NSUN6: variants seen among roughly 807,000 people sequenced by gnomAD.
NSUN6 encodes NOP2/Sun RNA methyltransferase 6.
Under a neutral mutation model 58.0 loss-of-function variants are expected in NSUN6, and 64 were observed. That is an observed-to-expected ratio of 1.10 (90% confidence interval 0.90 to 1.36). NSUN6 has a LOEUF of 1.36. Among genes scored for constraint, NSUN6 ranks in the 40% most tolerant of loss-of-function variants. The pLI is 0.00. For synonymous variants in NSUN6, 231 were observed against 193.9 expected (o/e 1.19, Z -1.59); for missense variants, 701 against 550.1 (o/e 1.27, Z -2.74).
At position 18,566,256 on chromosome 10, in the gene NSUN6, A is replaced by T. The variant is rs948421580; in HGVS notation, c.923-14285T>A. Among the ~76,000 whole-genome samples the T allele has an allele frequency of 3.3e-4, 47 of 141,072 alleles. 2 individuals carry two copies. The highest frequency in any genetic ancestry group is 2.2e-4 in the South Asian group (1 of 4,534). 92.5% of individuals were successfully genotyped at this position (141,072 alleles called of 152,430 possible). ...CGCAATCCATTCCATTCCACATTCC[A>T]TTCCGTTCTCCATTCCATTCCATTC... is the stretch of plus-strand genomic sequence containing the variant. On this transcript the variant is annotated intron_variant, in intron 8 of 10. Coordinates refer to ENST00000377304, the MANE Select transcript of NSUN6 (RefSeq NM_182543.5).
At chr10:18,603,100 C>G (rs927915945) in intron 6 of NSUN6, among the ~76,000 whole-genome samples, 1 of 152,138 alleles carries the variant, frequency 6.6e-6, no homozygotes, top group Non-Finnish European at 1.5e-5. Flanking sequence ...CGAGACCAGC[C>G]TGGCCAACAT....
At chr10:18,604,010 T>G (rs2057952171) in intron 6 of NSUN6, among the ~76,000 whole-genome samples, 1 of 151,966 alleles carries the variant, frequency 6.6e-6, no homozygotes, top group African/African-American at 2.4e-5. Context: ...GGTGAAACCC[T>G]GTCTCTGCTA....
At chr10:18,622,065 C>T (rs1380942694) in intron 3 of NSUN6, among the ~76,000 whole-genome samples, 1 of 151,688 alleles carries the variant, frequency 6.6e-6, no homozygotes, top group Non-Finnish European at 1.5e-5. Flanking sequence ...CACACAGACA[C>T]ACACACACAA....
intron 1 of NSUN6, among the ~76,000 whole-genome samples, chr10:18,650,469 T>C (rs2059671585): frequency 6.6e-6 from 1 of 152,242 alleles, no homozygotes; most frequent in Admixed American, 6.5e-5. Flanking sequence ...TTAACCATTC[T>C]CAATTTTTCA....
intron 10 of NSUN6, among the ~76,000 whole-genome samples, chr10:18,547,878 T>A (rs1205875329): frequency 6.6e-6 from 1 of 151,936 alleles, no homozygotes; most frequent in Non-Finnish European, 1.5e-5. Flanking sequence ...ACAAAAACAC[T>A]CCCAAGCTCT....
In NSUN6 at chr10:18,549,480, C is replaced by T. The variant is rs889690478; in HGVS notation, c.1072-1243G>A. 5.4e-4 allele frequency among the ~76,000 whole-genome samples: 82 copies of T among 152,294 alleles called. 1 individual carries two copies. Among genetic ancestry groups the T allele is most frequent in the African/African-American group, 1.9e-3 (80 of 41,564 alleles). On this transcript the variant is annotated intron_variant, in intron 9 of 10. Coordinates refer to ENST00000377304, the MANE Select transcript of NSUN6 (RefSeq NM_182543.5). The stretch of plus-strand genomic sequence containing the variant: ...TCCTATCCCCAGTTCCTTTAGCTTG[C>T]TCCATAGGGCCATTGCATTATTGCC...
intron 3 of NSUN6, among the ~76,000 whole-genome samples, chr10:18,621,620 G>A (rs756843211): frequency 1.3e-5 from 2 of 152,230 alleles, no homozygotes; most frequent in Middle Eastern, 3.4e-3. Context: ...CAAATAGAGT[G>A]CATCAACAAC....
chr10:18,643,786 G>A (rs1334512453), intron 2 of NSUN6, among the ~76,000 whole-genome samples: 1 of 151,914 alleles, frequency 6.6e-6, no homozygotes. Flanking sequence ...TTTTTGTTTT[G>A]TTTTATAAGT....
chr10:18,632,068 T>A (rs571293941), intron 3 of NSUN6, among the ~76,000 whole-genome samples: 1 of 150,176 alleles, frequency 6.7e-6, no homozygotes, highest in South Asian at 2.1e-4. Context: ...TATAGATCAA[T>A]GGAACAGAAC....
chr10:18,558,091 T>C (rs1476300092), intron 8 of NSUN6, among the ~76,000 whole-genome samples: 3 of 145,486 alleles, frequency 2.1e-5, no homozygotes, highest in Admixed American at 1.4e-4. Flanking sequence ...GAATGAAGAA[T>C]GGAGAATGGA....
chr10:18,620,696 T>G (rs949777729), intron 3 of NSUN6, among the ~76,000 whole-genome samples: 40 of 152,232 alleles, frequency 2.6e-4, no homozygotes, highest in African/African-American at 9.4e-4. Context: ...TATTTAACAA[T>G]TTCTTTGTAC....
intron 3 of NSUN6, among the ~76,000 whole-genome samples, chr10:18,638,947 T>TAAAAAA (rs35673571): frequency 5.6e-5 from 6 of 107,066 alleles, no homozygotes; most frequent in East Asian, 2.7e-4. Context: ...TTGACAATGT[T>TAAAAAA]AAAAAAAAAA....
intron 7 of NSUN6, among the ~76,000 whole-genome samples, chr10:18,589,223 A>C (rs1157461880): frequency 6.6e-6 from 1 of 152,216 alleles, no homozygotes; most frequent in Non-Finnish European, 1.5e-5. Context: ...TTAGAGAAAA[A>C]ACAATGAAAA....
intron 3 of NSUN6, among the ~76,000 whole-genome samples, chr10:18,626,116 A>G (rs2058793135): frequency 6.6e-6 from 1 of 152,190 alleles, no homozygotes; most frequent in Non-Finnish European, 1.5e-5. Flanking sequence ...CTCACCAATA[A>G]AGACATTAAT....
Position 18,548,168 on chromosome 10 carries a change from C to T in NSUN6, c.1141G>A (p.Glu381Lys). The T allele has an allele frequency of 6.2e-7, 1 of 1,613,834 alleles. No individual in the cohort carries two copies. The highest frequency in any genetic ancestry group is 1.1e-5 in the South Asian group (1 of 91,060). The change falls in exon 10 of 11, where the codon GAA becomes AAA. Residue 381 changes from glutamate to lysine, a missense_variant. Transcript: ENST00000377304. ...STCTITLAEN[E>K]EQVAWALTKF... is the part of the protein sequence containing the mutation. ...GTCAGGGCCCAGGCAACCTGTTCTT[C>T]ATTTTCGGCCAGTGTTATAGTGCAC...
intron 8 of NSUN6, among the ~76,000 whole-genome samples, chr10:18,555,128 G>A (rs1314881739): frequency 1.3e-5 from 2 of 150,484 alleles, no homozygotes; most frequent in African/African-American, 4.9e-5. Flanking sequence ...AGGAAATGGA[G>A]AATGTAATGT....
At chr10:18,582,520 G>A (rs12360345) in intron 8 of NSUN6, among the ~76,000 whole-genome samples, 7,363 of 152,284 alleles carry the variant, frequency 0.048, 272 homozygotes, top group Non-Finnish European at 0.077. Context: ...GTATGAGACA[G>A]CGAGAAGAGC....
At chr10:18,562,892 G>GGAATGGAATGGAAGGAA (rs757420472) in intron 8 of NSUN6, among the ~76,000 whole-genome samples, 8 of 148,250 alleles carry the variant, frequency 5.4e-5, no homozygotes, top group African/African-American at 1.2e-4. Flanking sequence ...GGCATGGAGT[G>GGAATGGAATGGAAGGAA]GAATGGAATG....
intron 1 of NSUN6, 140 bp from the exon 2 acceptor site, chr10:18,648,785 A>C: frequency 1.9e-6 from 1 of 529,348 alleles, no homozygotes; most frequent in South Asian, 3.1e-5. Context: ...TTATATGTTA[A>C]TAGCAACTAA....
Sources: allele counts gnomAD v4.1 joint callset (sites outside exome capture counted in the v4.1 genomes callset), GRCh38; gene constraint gnomAD v4.1.1; transcripts MANE v1.5; gene names NCBI Gene and HGNC (gene_info 2026-07-23, HGNC 2026-07-21).